LHCGR: variants seen among roughly 807,000 people sequenced by gnomAD.
The protein encoded by LHCGR is lutropin-choriogonadotropic hormone receptor.
LHCGR carries 55 observed loss-of-function variants against 60.7 expected under a neutral mutation model. That is an observed-to-expected ratio of 0.91 (90% CI 0.73 to 1.13). The LOEUF is 1.13. Ranked by LOEUF, LHCGR falls within the 50% of genes most tolerant of loss-of-function variation. The probability of loss-of-function intolerance (pLI) is 0.00; values close to 1 mark genes in which losing one functional copy is unlikely to be tolerated. For synonymous variants in LHCGR, 337 were observed against 316.5 expected (o/e 1.06, Z -0.69); for missense variants, 862 against 836.0 (o/e 1.03, Z -0.38).
chr2:48,714,338 A>G (rs180802531), intron 6 of LHCGR, among the ~76,000 whole-genome samples: 2 of 152,188 alleles, frequency 1.3e-5, no homozygotes, highest in Non-Finnish European at 2.9e-5. Context: ...CTTAATGTCA[A>G]AGGAAAACAG....
intron 6 of LHCGR, among the ~76,000 whole-genome samples, chr2:48,722,806 C>T (rs1343195363): frequency 1.3e-5 from 2 of 152,160 alleles, no homozygotes; most frequent in Admixed American, 6.5e-5. Context: ...TGAGAATGGA[C>T]TTATACACCA....
chr2:48,710,931 C>T (rs927411812), intron 7 of LHCGR, among the ~76,000 whole-genome samples: 3 of 152,180 alleles, frequency 2.0e-5, no homozygotes, highest in African/African-American at 7.2e-5. Context: ...GTGACCTTGC[C>T]CTTAGAAGAG....
chr2:48,709,577 C>T (rs1037788906), intron 7 of LHCGR, among the ~76,000 whole-genome samples: 2 of 152,198 alleles, frequency 1.3e-5, no homozygotes, highest in African/African-American at 4.8e-5. Context: ...GGACTTACAG[C>T]CTCTGTAGAA....
intron 7 of LHCGR, among the ~76,000 whole-genome samples, chr2:48,712,981 A>G (rs1023990692): frequency 2.6e-5 from 4 of 152,182 alleles, no homozygotes; most frequent in African/African-American, 9.7e-5. Flanking sequence ...AATAAATAGC[A>G]TATTGTACAG....
rs1679990802 is a variant in LHCGR at position 48,688,050 on chromosome 2, C to T, written c.1747G>A (p.Ala583Thr). The T allele has an allele frequency of 6.2e-7, 1 of 1,614,082 alleles. No homozygotes were observed. The highest frequency in any genetic ancestry group is 1.3e-5 in the African/African-American group (1 of 74,996). The change falls in exon 11 of 11, where the codon GCA becomes ACA. Residue 583 changes from alanine (A) to threonine (T), a missense_variant. Physicochemically the swap from Ala to Thr is moderately conservative, Grantham distance 58. Transcript: ENST00000294954. The surrounding 1 kb of genome is among the most constrained non-coding windows in gnomAD (Gnocchi z 5.2). ...GAGATGGCAAAAAAAGAGATAGGTG[C>T]CATGCAGGTGAAATCGGTGAAGATG... is the stretch of plus-strand genomic sequence containing the variant. Reference protein sequence around the residue: ...ILIFTDFTCMAPISFFAISAA... With the variant: ...ILIFTDFTCMTPISFFAISAA...
At position 48,731,306 on chromosome 2, in the gene LHCGR, A is replaced by T; in HGVS notation, c.162-8T>A. On this transcript the variant is annotated splice_region_variant and splice_polypyrimidine_tract_variant and intron_variant, in intron 1 of 10. Coordinates refer to ENST00000294954, the MANE Select transcript of LHCGR (RefSeq NM_000233.4). ...GGGAGGTAGGCAAGTGATCTAGAAA[A>T]GAAAAAAGGAAATCCAAGAGTTTAA... is the stretch of plus-strand genomic sequence containing the variant. 1 of 1,603,642 alleles carries T rather than the reference A, an allele frequency of 6.2e-7. No individual in the cohort carries two copies. The highest frequency in any genetic ancestry group is 1.1e-5 in the South Asian group (1 of 90,906).
At chr2:48,732,146 T>A (rs984322341) in intron 1 of LHCGR, among the ~76,000 whole-genome samples, 1 of 152,138 alleles carries the variant, frequency 6.6e-6, no homozygotes, top group Non-Finnish European at 1.5e-5. Context: ...GAACTGGAGG[T>A]TAAGATAACT....
intron 3 of LHCGR, among the ~76,000 whole-genome samples, chr2:48,727,761 C>T (rs1446203836): frequency 1.3e-5 from 2 of 152,266 alleles, no homozygotes; most frequent in African/African-American, 4.8e-5. Flanking sequence ...TCCCTGGCTA[C>T]ACTGTCATCT....
At chr2:48,721,519 A>T (rs1668494537) in intron 6 of LHCGR, 1 of 320,714 alleles carries the variant, frequency 3.1e-6, no homozygotes, top group Non-Finnish European at 6.2e-6. Flanking sequence ...TTAATCTGAG[A>T]TGAAGCTACA....
chr2:48,694,129 CA>C, intron 10 of LHCGR, 94 bp downstream of exon 10: 1 of 853,594 alleles, frequency 1.2e-6, no homozygotes. Flanking sequence ...GCTCCGTAAC[CA>C]AGACTTGTAT....
At position 48,688,715 on chromosome 2, in the gene LHCGR, A is replaced by G. The variant is rs766750016; in HGVS notation, c.1082T>C (p.Phe361Ser). The change falls in exon 11 of 11, where the codon TTC becomes TCC. Residue 361 changes from phenylalanine (F) to serine (S), a missense_variant. Transcript: ENST00000294954. This position sits in a 1 kb window ranked among gnomAD's most constrained non-coding sequence, Gnocchi z 5.2. ...NPCEDIMGYDFLRVLIWLINI... is the reference protein window; with the variant it reads ...NPCEDIMGYDSLRVLIWLINI... The stretch of plus-strand genomic sequence containing the variant: ...AATCAGCCAAATCAGGACCCTAAGG[A>G]AGTCATAGCCCATAATATCTTCACA... 6.2e-7 allele frequency: 1 copy of G among 1,614,164 alleles called. No individual in the cohort carries two copies. Among genetic ancestry groups the G allele is most frequent in the African/African-American group, 1.3e-5 (1 of 75,032 alleles).
intron 1 of LHCGR, among the ~76,000 whole-genome samples, chr2:48,752,911 G>A (rs776885783): frequency 7.6e-5 from 10 of 131,548 alleles, no homozygotes; most frequent in South Asian, 2.4e-4. Flanking sequence ...CTTATTTTCC[G>A]TCTGCCTCTG....
intron 3 of LHCGR, 134 bp downstream of exon 3, chr2:48,729,019 C>T (rs1668866471): frequency 1.3e-6 from 1 of 787,532 alleles, no homozygotes; most frequent in African/African-American, 1.7e-5. Flanking sequence ...TAGTGCCTGC[C>T]CAGACCTAGT....
At chr2:48,745,820 C>T (rs1241669587) in intron 1 of LHCGR, among the ~76,000 whole-genome samples, 1 of 149,314 alleles carries the variant, frequency 6.7e-6, no homozygotes, top group African/African-American at 2.5e-5. Context: ...ATGTTGTGCA[C>T]ATGTACCCTA....
At chr2:48,748,778 C>T (rs781374864) in intron 1 of LHCGR, among the ~76,000 whole-genome samples, 8 of 152,114 alleles carry the variant, frequency 5.3e-5, no homozygotes, top group Non-Finnish European at 1.2e-4. Flanking sequence ...TATATCTGGT[C>T]CCACTCAGGG....
chr2:48,697,106 C>T (rs562498984), intron 9 of LHCGR, among the ~76,000 whole-genome samples: 1 of 152,316 alleles, frequency 6.6e-6, no homozygotes, highest in Admixed American at 6.5e-5. Flanking sequence ...CCTCTTCTGA[C>T]TCATCTTCTT....
chr2:48,703,338 A>G (rs1345681337), intron 8 of LHCGR, among the ~76,000 whole-genome samples: 2 of 152,130 alleles, frequency 1.3e-5, no homozygotes, highest in Non-Finnish European at 2.9e-5. Context: ...TTAGTCATGT[A>G]GTCTTTGCCC....
chr2:48,746,246 C>A (rs1170896357), intron 1 of LHCGR, among the ~76,000 whole-genome samples: 1 of 152,154 alleles, frequency 6.6e-6, no homozygotes, highest in Non-Finnish European at 1.5e-5. Flanking sequence ...ATTGATTCTT[C>A]TGTTTGTCAT....
At position 48,688,000 on chromosome 2, in the gene LHCGR, G is replaced by T. The variant is rs143697410; in HGVS notation, c.1797C>A (p.Ile599=). 80 of 1,614,166 alleles carry T rather than the reference G, an allele frequency of 5.0e-5. No homozygotes were observed. In the African/African-American group the frequency reaches 9.7e-4, roughly 20 times the overall value. Residue 599 remains isoleucine (I), a synonymous_variant, in exon 11 of 11, where the codon ATC becomes ATA. Transcript: ENST00000294954. ...GTAAAACTTTAGAGTTGGTTACTGTGATAAGAGGTACTTTGAAGGCAGCTG... is the reference window on the plus strand; with the variant it reads ...GTAAAACTTTAGAGTTGGTTACTGTTATAAGAGGTACTTTGAAGGCAGCTG... ...AISAAFKVPL[I]TVTNSKVLLV...
Sources: gnomAD v4.1 joint callset for allele counts (sites outside exome capture counted in the v4.1 genomes callset) on GRCh38, gnomAD v4.1.1 for gene constraint, Gnocchi (gnomAD v3.1) non-coding constraint, MANE v1.5 for transcripts, NCBI Gene and HGNC (gene_info 2026-07-23, HGNC 2026-07-21) for gene names.